ZC3H12B: variants seen among roughly 807,000 people sequenced by gnomAD.
ZC3H12B encodes probable ribonuclease ZC3H12B.
Under a neutral mutation model 43.9 loss-of-function variants are expected in ZC3H12B, and 7 were observed. The observed-to-expected ratio is 0.16, with a 90% CI of 0.09 to 0.30. The LOEUF (loss-of-function observed/expected upper bound fraction) is 0.30, where lower values mean the gene tolerates loss of function less well. Ranked by LOEUF, ZC3H12B falls within the 10% of genes least tolerant of loss-of-function variation. The probability of loss-of-function intolerance (pLI) is 1.00; values close to 1 mark genes in which losing one functional copy is unlikely to be tolerated. For missense variants in ZC3H12B, 475 were observed against 670.2 expected (o/e 0.71, Z 3.22); for synonymous variants, 222 against 241.7 (o/e 0.92, Z 0.76).
the ZC3H12B span, among the ~76,000 whole-genome samples, chrX:65,325,315 C>T: frequency 2.7e-5 from 3 of 111,241 alleles, no homozygotes; most frequent in African/African-American, 6.5e-5. Flanking sequence ...AAAACTATTG[C>T]TAACTGCAGA....
At chrX:65,419,830 C>A (rs1352823263) in intron 3 of ZC3H12B, among the ~76,000 whole-genome samples, 1 of 111,451 alleles carries the variant, frequency 9.0e-6, no homozygotes, top group Non-Finnish European at 1.9e-5. Context: ...TCCAGACTGC[C>A]CAATGTAGAT....
At chrX:65,240,157 C>T in the ZC3H12B span, among the ~76,000 whole-genome samples, 1 of 111,790 alleles carries the variant, frequency 8.9e-6, no homozygotes, top group East Asian at 2.8e-4. Context: ...GGATGATATC[C>T]TGTAGTATGA....
At chrX:65,387,711 A>C (rs1368636918) in intron 2 of ZC3H12B, among the ~76,000 whole-genome samples, 1 of 112,045 alleles carries the variant, frequency 8.9e-6, no homozygotes, top group African/African-American at 3.2e-5. Context: ...TTTGCTCCTT[A>C]GTTGATGCAG....
chrX:65,266,983 G>C, the ZC3H12B span, among the ~76,000 whole-genome samples: 1 of 110,250 alleles, frequency 9.1e-6, no homozygotes, highest in Non-Finnish European at 1.9e-5. Flanking sequence ...AAAGCTCCCT[G>C]GGAAATTAAG....
chrX:65,405,863 C>T (rs1195034569), intron 3 of ZC3H12B, among the ~76,000 whole-genome samples: 1 of 111,374 alleles, frequency 9.0e-6, no homozygotes, highest in African/African-American at 3.3e-5. Flanking sequence ...CTATGATGAG[C>T]AAATATATGC....
At chrX:65,165,849 T>C in the ZC3H12B span, among the ~76,000 whole-genome samples, 1 of 112,199 alleles carries the variant, frequency 8.9e-6, no homozygotes, top group African/African-American at 3.2e-5. Context: ...TTTCTGGTTC[T>C]AGATCCTTCA....
chrX:65,429,981 A>G (rs776065605), intron 3 of ZC3H12B, among the ~76,000 whole-genome samples: 70 of 112,025 alleles, frequency 6.2e-4, no homozygotes, highest in Non-Finnish European at 1.2e-3. Flanking sequence ...CCCAGTTGCC[A>G]TTGGCTGGCT....
At chrX:65,254,773 C>G in the ZC3H12B span, among the ~76,000 whole-genome samples, 1 of 111,392 alleles carries the variant, frequency 9.0e-6, no homozygotes, top group South Asian at 3.7e-4. Context: ...CACCAAGATT[C>G]TGGAAAAAGT....
chrX:65,318,265 C>T, the ZC3H12B span, among the ~76,000 whole-genome samples: 2 of 108,924 alleles, frequency 1.8e-5, no homozygotes, highest in Non-Finnish European at 3.8e-5. Context: ...TTTGCATTTC[C>T]CTGGTCATTC....
the ZC3H12B span, among the ~76,000 whole-genome samples, chrX:65,328,703 C>G: frequency 4.6e-5 from 3 of 64,724 alleles, no homozygotes; most frequent in African/African-American, 1.8e-4. Flanking sequence ...CCCCCCTCCC[C>G]CCACCCCACA....
chrX:65,154,969 T>G, the ZC3H12B span, among the ~76,000 whole-genome samples: 1 of 106,458 alleles, frequency 9.4e-6, no homozygotes, highest in Non-Finnish European at 2.0e-5. Context: ...TTGCTAAGGT[T>G]TTTTTTTTTT....
At chrX:65,262,043 ATTATAGGCTCCTTT>A in the ZC3H12B span, among the ~76,000 whole-genome samples, 47 of 110,906 alleles carry the variant, frequency 4.2e-4, no homozygotes, top group African/African-American at 1.5e-3. Flanking sequence ...ACCCTCTTTC[ATTATAGGCTCCTTT>A]TTATAGGGTC....
At chrX:65,095,103 G>A in the ZC3H12B span, among the ~76,000 whole-genome samples, 1 of 111,944 alleles carries the variant, frequency 8.9e-6, no homozygotes, top group Admixed American at 9.5e-5. Context: ...CTATCACTAT[G>A]AGCTTGACAG....
the ZC3H12B span, among the ~76,000 whole-genome samples, chrX:65,157,826 G>C: frequency 3.8e-5 from 4 of 106,381 alleles, no homozygotes; most frequent in Non-Finnish European, 7.7e-5. Context: ...CAATATGCAG[G>C]TTAGTTACAT....
chrX:65,289,481 A>G, the ZC3H12B span, among the ~76,000 whole-genome samples: 1 of 110,045 alleles, frequency 9.1e-6, no homozygotes, highest in African/African-American at 3.3e-5. Flanking sequence ...ACATGTTTAA[A>G]TTATTTCAAA....
chrX:65,111,976 A>G, the ZC3H12B span, among the ~76,000 whole-genome samples: 1 of 112,221 alleles, frequency 8.9e-6, no homozygotes, highest in South Asian at 3.6e-4. Flanking sequence ...CACTTAGTGA[A>G]GAGGGCATTT....
chrX:65,087,601 TAGAG>T, the ZC3H12B span, among the ~76,000 whole-genome samples: 3 of 111,444 alleles, frequency 2.7e-5, no homozygotes, highest in Admixed American at 9.5e-5. Context: ...GCTCGTATTT[TAGAG>T]AGCCAGTAAA....
At chrX:65,367,256 T>C (rs2066185609) in intron 1 of ZC3H12B, among the ~76,000 whole-genome samples, 1 of 111,874 alleles carries the variant, frequency 8.9e-6, no homozygotes, top group Non-Finnish European at 1.9e-5. Context: ...TCTTTCATCA[T>C]GATAGTTGTG....
At chrX:65,456,590 C>T (rs1471246365) in intron 3 of ZC3H12B, among the ~76,000 whole-genome samples, 13 of 106,024 alleles carry the variant, frequency 1.2e-4, no homozygotes, top group Non-Finnish European at 1.4e-4. Flanking sequence ...AGGCGCGCGC[C>T]GCCACGCCTG....
Sources: gnomAD v4.1 joint callset for allele counts (sites outside exome capture counted in the v4.1 genomes callset) on GRCh38, gnomAD v4.1.1 for gene constraint, MANE v1.5 for transcripts, NCBI Gene and HGNC (gene_info 2026-07-23, HGNC 2026-07-21) for gene names.